Variants in MLXIP observed in about 807,000 individuals in gnomAD.
MLXIP encodes MLX interacting protein.
MLXIP carries 30 observed loss-of-function variants against 87.2 expected under a neutral mutation model. That is an observed-to-expected ratio of 0.34 (90% CI 0.26 to 0.47). The LOEUF is 0.47. Ranked by LOEUF, MLXIP falls within the 20% of genes least tolerant of loss-of-function variation. MLXIP has a pLI of 1.00. For synonymous variants in MLXIP, 530 were observed against 514.0 expected, an observed-to-expected ratio of 1.03 and a Z score of -0.42; for missense variants, 1,002 against 1,240.1, an observed-to-expected ratio of 0.81 and a Z score of 2.88.
rs952968665 is a variant in MLXIP at position 122,141,932 on chromosome 12, C to T, written c.*120C>T. 1.6e-5 allele frequency: 24 copies of T among 1,467,542 alleles called. No homozygotes were observed. Among genetic ancestry groups the T allele is most frequent in the African/African-American group, 4.2e-5 (3 of 71,840 alleles). 90.9% of individuals were successfully genotyped at this position (1,467,542 alleles called of 1,614,324 possible). ...CCTCGGGGCCTCTCTCCAACTCTGC[C>T]GGCCCACCGTGGCATCGGGAGGCCA... On this transcript the variant is annotated 3_prime_UTR_variant, in exon 17 of 17. Transcript: ENST00000319080.
intron 1 of MLXIP, among the ~76,000 whole-genome samples, chr12:122,112,365 G>A (rs1447472629): frequency 2.3e-4 from 35 of 152,324 alleles, no homozygotes; most frequent in Admixed American, 6.5e-5. Flanking sequence ...CAGGCCGGGC[G>A]TGGTGGCTCA....
At chr12:122,121,074 A>G (rs1488875032) in intron 1 of MLXIP, among the ~76,000 whole-genome samples, 2 of 127,826 alleles carry the variant, frequency 1.6e-5, no homozygotes, top group African/African-American at 6.1e-5. Flanking sequence ...CAGTGGTGCC[A>G]TCTTGGCTCA....
chr12:122,129,730 G>T, intron 5 of MLXIP, 101 bp downstream of exon 5: 1 of 1,457,474 alleles, frequency 6.9e-7, no homozygotes, highest in Non-Finnish European at 9.4e-7. Context: ...CAGGCCATGG[G>T]CCCTCCCTGG....
At chr12:122,099,467 C>A (rs1952404488) in intron 1 of MLXIP, among the ~76,000 whole-genome samples, 1 of 152,174 alleles carries the variant, frequency 6.6e-6, no homozygotes. Flanking sequence ...GTGGCCCCAG[C>A]CTCACTTGGC....
At chr12:122,088,050 G>GCTGCCCTGAC (rs1258306605) in intron 1 of MLXIP, among the ~76,000 whole-genome samples, 1 of 152,182 alleles carries the variant, frequency 6.6e-6, no homozygotes, top group African/African-American at 2.4e-5. Flanking sequence ...CTGCCTGGGG[G>GCTGCCCTGAC]CTGCCCTGAC....
At chr12:122,131,908 G>A (rs1261491920) in intron 7 of MLXIP, among the ~76,000 whole-genome samples, 2 of 142,912 alleles carry the variant, frequency 1.4e-5, no homozygotes, top group African/African-American at 5.3e-5. Flanking sequence ...GTTGTGGTTG[G>A]CACCTTTTTT....
intron 1 of MLXIP, among the ~76,000 whole-genome samples, chr12:122,119,594 T>C (rs950895070): frequency 7.9e-5 from 12 of 152,184 alleles, no homozygotes; most frequent in South Asian, 4.1e-4. Context: ...GGTTTCACCG[T>C]GTTAGCCAGG....
chr12:122,119,351 C>T (rs1483437702), intron 1 of MLXIP, among the ~76,000 whole-genome samples: 5 of 152,096 alleles, frequency 3.3e-5, no homozygotes, highest in Admixed American at 2.6e-4. Flanking sequence ...TTAAAAATTA[C>T]CCCGTAGTGT....
chr12:122,104,302 A>AGGCATCCTCTCCTTCCCT (rs1245858378), intron 1 of MLXIP, among the ~76,000 whole-genome samples: 4 of 152,076 alleles, frequency 2.6e-5, no homozygotes, highest in Admixed American at 2.6e-4. Context: ...CGCCCTTCCC[A>AGGCATCCTCTCCTTCCCT]GGCATCCTCT....
intron 1 of MLXIP, among the ~76,000 whole-genome samples, chr12:122,119,548 C>T (rs145444257): frequency 0.019 from 2,942 of 152,216 alleles, 101 homozygotes; most frequent in African/African-American, 0.068. Flanking sequence ...CCTGCCACCA[C>T]ACCCGGCTAA....
Position 122,090,531 on chromosome 12 carries a change from T to C in MLXIP, c.413+11265T>C, listed in dbSNP as rs530793303. The stretch of plus-strand genomic sequence containing the variant: ...AAACAAAACAAAACACATAACAAAA[T>C]AAGATGGATTAATGGATGGAGAAAT... On this transcript the variant is annotated intron_variant, in intron 1 of 16. Transcript: ENST00000319080. 2.0e-5 allele frequency among the ~76,000 whole-genome samples: 3 copies of C among 151,292 alleles called. No individual in the cohort carries two copies. In the South Asian group the frequency reaches 6.3e-4, roughly 32 times the overall value.
chr12:122,099,055 T>A (rs1433436020), intron 1 of MLXIP, among the ~76,000 whole-genome samples: 2 of 152,234 alleles, frequency 1.3e-5, no homozygotes, highest in East Asian at 3.9e-4. Flanking sequence ...CTGGGCAACA[T>A]AGCAAGATCT....
rs1227832349 is a variant in MLXIP at position 122,133,909 on chromosome 12, AAGC to A, written c.1658_1660del (p.Gln553del). 1 of 1,609,612 alleles carries A rather than the reference AAGC, an allele frequency of 6.2e-7. No individual in the cohort carries two copies. The highest frequency in any genetic ancestry group is 2.2e-5 in the East Asian group (1 of 44,748). On this transcript the variant is annotated inframe_deletion, in exon 9 of 17. Coordinates refer to ENST00000319080, the MANE Select transcript of MLXIP (RefSeq NM_014938.6). The surrounding 1 kb of genome is among the most constrained non-coding windows in gnomAD (Gnocchi z 4.9). ...TGTATCCTTGACTGGGGGCAGGCCT[AAGC>A]AGCCCCACAAAATAGTGCCTGCTCC... is the stretch of plus-strand genomic sequence containing the variant.
intron 1 of MLXIP, among the ~76,000 whole-genome samples, chr12:122,115,458 G>C (rs986581177): frequency 2.4e-4 from 36 of 151,728 alleles, no homozygotes; most frequent in African/African-American, 8.7e-4. Flanking sequence ...GCATGGTAGC[G>C]GGCACCTGTC....
intron 1 of MLXIP, among the ~76,000 whole-genome samples, chr12:122,119,430 C>T (rs1214046156): frequency 6.6e-6 from 1 of 152,000 alleles, no homozygotes; most frequent in African/African-American, 2.4e-5. Flanking sequence ...CTCGCTGTGT[C>T]GCCCAGGCTG....
At chr12:122,109,001 C>T (rs1471855996) in intron 1 of MLXIP, among the ~76,000 whole-genome samples, 1 of 152,220 alleles carries the variant, frequency 6.6e-6, no homozygotes, top group African/African-American at 2.4e-5. Context: ...GGCACAATCT[C>T]AGCTCACTGC....
At chr12:122,108,086 A>G (rs2135937293) in intron 1 of MLXIP, among the ~76,000 whole-genome samples, 2 of 152,238 alleles carry the variant, frequency 1.3e-5, no homozygotes, top group South Asian at 2.1e-4. Flanking sequence ...AGACAGAATC[A>G]GGGCCGAAAG....
At chr12:122,110,533 C>G (rs895401686) in intron 1 of MLXIP, among the ~76,000 whole-genome samples, 1 of 151,942 alleles carries the variant, frequency 6.6e-6, no homozygotes, top group Non-Finnish European at 1.5e-5. Flanking sequence ...GTGATCCACC[C>G]GCTTCGGCCT....
Position 122,145,821 on chromosome 12 carries a change from T to C in MLXIP, c.*4009T>C. 1 of 152,494 alleles carries C rather than the reference T, an allele frequency of 6.6e-6. No individual in the cohort carries two copies. The highest frequency in any genetic ancestry group is 2.1e-4 in the South Asian group (1 of 4,836). The allele number at this position is 152,494 out of a possible 1,614,324, so 9.4% of individuals were successfully genotyped here. A position where few individuals can be genotyped will look rare whatever the true frequency, so the allele number is the denominator to read the frequency against. On this transcript the variant is annotated 3_prime_UTR_variant, in exon 17 of 17. Coordinates refer to ENST00000319080, the MANE Select transcript of MLXIP (RefSeq NM_014938.6). ...TTATGCACTGGCAGATGGACCTTGCTTTGGTCCAGCTCTTTTCCTTACCCT... is the reference window on the plus strand; with the variant it reads ...TTATGCACTGGCAGATGGACCTTGCCTTGGTCCAGCTCTTTTCCTTACCCT...
Sources: gnomAD v4.1 joint callset for allele counts (sites outside exome capture counted in the v4.1 genomes callset) on GRCh38, gnomAD v4.1.1 for gene constraint, Gnocchi (gnomAD v3.1) non-coding constraint, MANE v1.5 for transcripts, NCBI Gene and HGNC (gene_info 2026-07-23, HGNC 2026-07-21) for gene names.